Variants in HTRA1 observed in about 807,000 individuals in gnomAD.
HTRA1 encodes serine protease HTRA1.
Under a neutral mutation model 49.7 loss-of-function variants are expected in HTRA1, and 26 were observed. That is an observed-to-expected ratio of 0.52 (90% CI 0.38 to 0.73). The LOEUF (loss-of-function observed/expected upper bound fraction) is 0.73. Among genes scored for constraint, HTRA1 ranks in the 30% least tolerant of loss-of-function variants. HTRA1 has a pLI of 0.00. For synonymous variants in HTRA1, 291 were observed against 286.9 expected, an observed-to-expected ratio of 1.01 and a Z score of -0.14; for missense variants, 561 against 667.2, an observed-to-expected ratio of 0.84 and a Z score of 1.75.
At chr10:122,495,028 C>T (rs1011464983) in intron 3 of HTRA1, among the ~76,000 whole-genome samples, 1 of 151,970 alleles carries the variant, frequency 6.6e-6, no homozygotes, top group African/African-American at 2.4e-5. Context: ...CCATGACTCA[C>T]GCCGGTTCTC....
chr10:122,502,931 C>G (rs2133446739), intron 3 of HTRA1, among the ~76,000 whole-genome samples: 1 of 152,342 alleles, frequency 6.6e-6, no homozygotes, highest in South Asian at 2.1e-4. Context: ...GACTCGCGTG[C>G]CCTCTTTCTT....
intron 2 of HTRA1, 59 bp downstream of exon 2, chr10:122,489,060 C>A: frequency 8.5e-7 from 1 of 1,171,698 alleles, no homozygotes; most frequent in Non-Finnish European, 1.3e-6. Flanking sequence ...ACTAGCAAAA[C>A]ATGAGAGCTA....
intron 1 of HTRA1, among the ~76,000 whole-genome samples, chr10:122,476,569 C>G (rs1217510058): frequency 2.6e-5 from 4 of 152,326 alleles, no homozygotes; most frequent in Middle Eastern, 6.8e-3. Context: ...GATCAATATT[C>G]CAGGTCCTCT....
Position 122,514,902 on chromosome 10 carries a change from A to T in HTRA1, c.*543A>T. On this transcript the variant is annotated 3_prime_UTR_variant, in exon 9 of 9. Transcript: ENST00000368984. ...TTTGAGCTATTAAAGTACTTCTTAC[A>T]CATTGCTTTCTGTAGTGCTTATTTT... The T allele has an allele frequency of 5.6e-6, 1 of 179,314 alleles. No individual in the cohort carries two copies. Among genetic ancestry groups the T allele is most frequent in the Non-Finnish European group, 1.2e-5 (1 of 83,874 alleles). The allele number at this position is 179,314 out of a possible 1,614,324, so 11.1% of individuals were successfully genotyped here. A position where few individuals can be genotyped will look rare whatever the true frequency, so the allele number is the denominator to read the frequency against.
chr10:122,506,096 T>TCTTGCCGTCTTGGGTCCTGGAGGC lies in HTRA1; in HGVS notation c.778-590_778-589insCGTCTTGGGTCCTGGAGGCCTTGC, dbSNP rs1554952214. Reference sequence around the variant, plus strand: ...GAGGAGAGACAGCCTACCTATTCGGTCTTGCTGTCCCCATGCTCCATCCCT... The same window carrying TCTTGCCGTCTTGGGTCCTGGAGGC: ...GAGGAGAGACAGCCTACCTATTCGGTCTTGCCGTCTTGGGTCCTGGAGGCCTTGCTGTCCCCATGCTCCATCCCT... On this transcript the variant is annotated intron_variant, in intron 3 of 8. Transcript: ENST00000368984. The surrounding 1 kb of genome is among the most constrained non-coding windows in gnomAD (Gnocchi z 5.2). Among the ~76,000 whole-genome samples, 1 of 151,686 alleles carries TCTTGCCGTCTTGGGTCCTGGAGGC rather than the reference T, an allele frequency of 6.6e-6. No individual in the cohort carries two copies. The highest frequency in any genetic ancestry group is 1.5e-5 in the Non-Finnish European group (1 of 67,908).
intron 1 of HTRA1, among the ~76,000 whole-genome samples, chr10:122,485,664 A>T (rs1267082888): frequency 6.6e-6 from 1 of 152,168 alleles, no homozygotes; most frequent in Non-Finnish European, 1.5e-5. Flanking sequence ...ACTTTATGTG[A>T]CTGTGTGAGA....
At chr10:122,467,265 G>T (rs1391100240) in intron 1 of HTRA1, among the ~76,000 whole-genome samples, 1 of 152,156 alleles carries the variant, frequency 6.6e-6, no homozygotes, top group Admixed American at 6.5e-5. Flanking sequence ...TCCTTGGAAG[G>T]CCAACTGGGG....
intron 3 of HTRA1, among the ~76,000 whole-genome samples, chr10:122,502,300 CTTG>C (rs1279399822): frequency 6.6e-6 from 1 of 152,162 alleles, no homozygotes; most frequent in Non-Finnish European, 1.5e-5. Flanking sequence ...AACGATGCTG[CTTG>C]TTGTTGTCTG....
At chr10:122,508,848 G>A (rs764387961) in intron 6 of HTRA1, 78 bp downstream of exon 6, 8 of 886,976 alleles carry the variant, frequency 9.0e-6, no homozygotes, top group African/African-American at 1.6e-5. Context: ...CTTGGGGAAG[G>A]GAAAAGCGGC....
At position 122,506,599 on chromosome 10, in the gene HTRA1, C is replaced by T. The variant is rs2097503161; in HGVS notation, c.778-92C>T. 2 of 1,122,266 alleles carry T rather than the reference C, an allele frequency of 1.8e-6. No individual in the cohort carries two copies. The highest frequency in any genetic ancestry group is 2.7e-6 in the Non-Finnish European group (2 of 746,136). 69.5% of individuals were successfully genotyped at this position (1,122,266 alleles called of 1,614,324 possible). A position where few individuals can be genotyped will look rare whatever the true frequency, so the allele number is the denominator to read the frequency against. ...GGCCTGGTGTTTCCAAATAGCCCGT[C>T]ACTGTCCCTGCTTGGTTTTCCATGA... On this transcript the variant is annotated intron_variant, in intron 3 of 8. Coordinates refer to ENST00000368984, the MANE Select transcript of HTRA1 (RefSeq NM_002775.5). This position sits in a 1 kb window ranked among gnomAD's most constrained non-coding sequence, Gnocchi z 5.2.
rs1295806768 is a variant in HTRA1 at position 122,496,164 on chromosome 10, G to T, written c.777+6538G>T. ...ACCAAGCGAGGTGAAGCACTAGGTG[G>T]CCGCGGCGAGCAGGAAGAGAAGCTG... On this transcript the variant is annotated intron_variant, in intron 3 of 8. Coordinates refer to ENST00000368984, the MANE Select transcript of HTRA1 (RefSeq NM_002775.5). 6.0e-5 allele frequency among the ~76,000 whole-genome samples: 9 copies of T among 150,612 alleles called. 1 individual carries two copies. The highest frequency in any genetic ancestry group is 2.2e-4 in the African/African-American group (9 of 40,902).
chr10:122,504,357 C>T (rs1009326), intron 3 of HTRA1, among the ~76,000 whole-genome samples: 18,646 of 152,170 alleles, frequency 0.12, 1,369 homozygotes, highest in South Asian at 0.32. Flanking sequence ...TTCTAGGAGG[C>T]GCCAAGGGGT....
intron 3 of HTRA1, among the ~76,000 whole-genome samples, chr10:122,493,959 C>T (rs2133441161): frequency 6.6e-6 from 1 of 152,166 alleles, no homozygotes; most frequent in South Asian, 2.1e-4. Context: ...AGGAGCGCCC[C>T]TCTCCAGCTC....
At chr10:122,480,344 C>T (rs564957702) in intron 1 of HTRA1, among the ~76,000 whole-genome samples, 1 of 151,606 alleles carries the variant, frequency 6.6e-6, no homozygotes, top group Non-Finnish European at 1.5e-5. Context: ...TCAGGGCGGG[C>T]GAGGGCAGGA....
At chr10:122,503,045 AG>A (rs1262706002) in intron 3 of HTRA1, among the ~76,000 whole-genome samples, 20 of 152,336 alleles carry the variant, frequency 1.3e-4, no homozygotes, top group African/African-American at 4.8e-4. Context: ...GAAGTGGCCA[AG>A]GAGAGGAGCT....
chr10:122,476,634 G>A (rs2097488604), intron 1 of HTRA1, among the ~76,000 whole-genome samples: 1 of 152,188 alleles, frequency 6.6e-6, no homozygotes. Context: ...AGTTGTCCTG[G>A]GCCTGCAGCC....
chr10:122,462,194 G>A (rs1289199270), intron 1 of HTRA1, 70 bp downstream of exon 1: 13 of 1,316,278 alleles, frequency 9.9e-6, no homozygotes, highest in Non-Finnish European at 1.4e-5. Context: ...CTGCGGGACT[G>A]GTGGGCAGGT....
chr10:122,461,817 C>T lies in HTRA1; in HGVS notation c.165C>T (p.Gly55=). The part of the protein sequence containing the change: ...RCPPQPEHCE[G]GRARDACGCC... ...CGCCGCAGCCGGAGCACTGCGAGGG[C>T]GGCCGGGCCCGGGACGCGTGCGGCT... Residue 55 remains glycine (G), a synonymous_variant, in exon 1 of 9, where the codon GGC becomes GGT. Coordinates refer to ENST00000368984, the MANE Select transcript of HTRA1 (RefSeq NM_002775.5). 9.3e-7 allele frequency: 1 copy of T among 1,076,486 alleles called. No homozygotes were observed. The highest frequency in any genetic ancestry group is 1.1e-6 in the Non-Finnish European group (1 of 891,532). The allele number at this position is 1,076,486 out of a possible 1,614,324, so 66.7% of individuals were successfully genotyped here.
In HTRA1 at chr10:122,506,792, C is replaced by A. The variant is rs149294320; in HGVS notation, c.879C>A (p.Thr293=). 2.5e-6 allele frequency: 4 copies of A among 1,613,772 alleles called. No homozygotes were observed. The highest frequency in any genetic ancestry group is 2.5e-6 in the Non-Finnish European group (3 of 1,179,992). The change falls in exon 4 of 9, where the codon ACC becomes ACA. Residue 293 remains threonine (T), a synonymous_variant. Transcript: ENST00000368984. This position sits in a 1 kb window ranked among gnomAD's most constrained non-coding sequence, Gnocchi z 5.2. ...GSPFSLQNTV[T]TGIVSTTQRG... is the part of the protein sequence containing the mutation. ...CGTTTTCCCTTCAAAACACAGTCAC[C>A]ACCGGGATCGTGAGCACCACCCAGC...
Sources: allele counts gnomAD v4.1 joint callset (sites outside exome capture counted in the v4.1 genomes callset), GRCh38; gene constraint gnomAD v4.1.1; non-coding constraint Gnocchi (gnomAD v3.1); transcripts MANE v1.5; gene names NCBI Gene and HGNC (gene_info 2026-07-23, HGNC 2026-07-21).